Variants in ADGRD1 observed in about 807,000 individuals in gnomAD.
ADGRD1 encodes the protein G-protein coupled receptor 133.
ADGRD1 carries 77 observed loss-of-function variants against 113.4 expected under a neutral mutation model. The ratio of observed to expected loss-of-function variants is 0.68; its 90% CI spans 0.57 to 0.82. The LOEUF (loss-of-function observed/expected upper bound fraction) is 0.82. Ranked by LOEUF, ADGRD1 falls within the 40% of genes least tolerant of loss-of-function variation. The pLI is 0.00. For missense variants in ADGRD1, 1,036 were observed against 1,139.1 expected (o/e 0.91, Z 1.30); for synonymous variants, 474 against 475.0 (o/e 1.00, Z 0.03).
intron 18 of ADGRD1, among the ~76,000 whole-genome samples, chr12:131,110,121 A>T (rs1289777688): frequency 9.1e-6 from 1 of 109,788 alleles, no homozygotes; most frequent in Non-Finnish European, 2.1e-5. Context: ...TGTAAACAGA[A>T]TACAACTGGA....
At chr12:130,961,059 CCT>C (rs1410169113) in intron 2 of ADGRD1, among the ~76,000 whole-genome samples, 1 of 152,186 alleles carries the variant, frequency 6.6e-6, no homozygotes, top group Non-Finnish European at 1.5e-5. Flanking sequence ...GGCCGGCATT[CCT>C]CTGTGTGATA....
intron 12 of ADGRD1, among the ~76,000 whole-genome samples, chr12:131,010,716 T>G (rs1877761626): frequency 6.6e-6 from 1 of 152,076 alleles, no homozygotes; most frequent in Non-Finnish European, 1.5e-5. Context: ...TGGGGCACAT[T>G]GAAGGAAGGC....
Position 130,991,578 on chromosome 12 carries a change from C to T in ADGRD1, c.810+500C>T, listed in dbSNP as rs77048854. Among the ~76,000 whole-genome samples, 555 of 152,236 alleles carry T rather than the reference C, an allele frequency of 3.6e-3. 2 individuals are homozygous for T. The highest frequency in any genetic ancestry group is 5.8e-3 in the Non-Finnish European group (393 of 68,028). ...ACTTATTTTTGAGTAAGCCTCTCTG[C>T]GCTTAGTGTCATCCATCAAATGGGG... On this transcript the variant is annotated intron_variant, in intron 7 of 24. Coordinates refer to ENST00000261654, the MANE Select transcript of ADGRD1 (RefSeq NM_198827.5).
intron 12 of ADGRD1, 38 bp from the exon 13 acceptor site, chr12:131,014,161 C>T (rs757102105): frequency 9.4e-6 from 15 of 1,601,124 alleles, no homozygotes; most frequent in South Asian, 3.4e-5. Context: ...TGCTCCCCTG[C>T]GTTTCCCATT....
chr12:131,028,333 G>C (rs1395501240), intron 13 of ADGRD1, among the ~76,000 whole-genome samples: 1 of 152,102 alleles, frequency 6.6e-6, no homozygotes, highest in Non-Finnish European at 1.5e-5. Flanking sequence ...AGGAGTTTTT[G>C]TGTATTTTGA....
intron 9 of ADGRD1, chr12:131,002,833 G>C (rs1876563596): frequency 2.4e-6 from 3 of 1,241,384 alleles, no homozygotes; most frequent in Middle Eastern, 6.0e-4. Flanking sequence ...GTGAAGCACA[G>C]GGAGGTAGGG....
intron 4 of ADGRD1, among the ~76,000 whole-genome samples, chr12:130,975,391 C>T (rs1047143748): frequency 1.3e-5 from 2 of 152,182 alleles, no homozygotes; most frequent in African/African-American, 2.4e-5. Flanking sequence ...TTCTCAGTGC[C>T]TGGCACACCA....
At chr12:130,959,308 A>C (rs1457861599) in intron 2 of ADGRD1, among the ~76,000 whole-genome samples, 1 of 152,224 alleles carries the variant, frequency 6.6e-6, no homozygotes, top group African/African-American at 2.4e-5. Context: ...GCAGTGGCTC[A>C]TTCCTGGAAT....
chr12:130,998,742 G>A (rs1875944032), intron 8 of ADGRD1, among the ~76,000 whole-genome samples: 1 of 152,182 alleles, frequency 6.6e-6, no homozygotes. Flanking sequence ...TGGGATGACA[G>A]GTGTGAGCCA....
At chr12:130,962,257 C>T (rs1265078528) in intron 2 of ADGRD1, 1 of 152,266 alleles carries the variant, frequency 6.6e-6, no homozygotes, top group Non-Finnish European at 1.5e-5. Flanking sequence ...AGTGTTCTGG[C>T]CTCAACCCTG....
intron 11 of ADGRD1, 111 bp from the exon 12 acceptor site, chr12:131,005,861 G>A (rs1359176411): frequency 1.2e-6 from 1 of 820,140 alleles, no homozygotes; most frequent in Non-Finnish European, 2.1e-6. Flanking sequence ...CTCCCCAGAG[G>A]GTTCTTAGGA....
At position 131,065,633 on chromosome 12, in the gene ADGRD1, G is replaced by A. The variant is rs955910029; in HGVS notation, c.1474-11168G>A. Among the ~76,000 whole-genome samples the A allele has an allele frequency of 1.2e-4, 18 of 152,218 alleles. 1 individual carries two copies. The highest frequency in any genetic ancestry group is 7.8e-4 in the Admixed American group (12 of 15,298). On this transcript the variant is annotated intron_variant, in intron 13 of 24. Coordinates refer to ENST00000261654, the MANE Select transcript of ADGRD1 (RefSeq NM_198827.5). ...GGCTCTGGGTCCCTTTTGAGACCAG[G>A]CTGGAGTCTGTGATGGGAGGGAGGG...
chr12:131,109,762 T>C (rs1196643391), intron 18 of ADGRD1, among the ~76,000 whole-genome samples: 1 of 152,220 alleles, frequency 6.6e-6, no homozygotes, highest in African/African-American at 2.4e-5. Context: ...TTTATAGTGT[T>C]GTTCAAGTCT....
intron 13 of ADGRD1, among the ~76,000 whole-genome samples, chr12:131,076,106 C>T (rs1352868369): frequency 6.6e-6 from 1 of 152,188 alleles, no homozygotes; most frequent in Non-Finnish European, 1.5e-5. Flanking sequence ...GAACGCCAGT[C>T]TCCGGAACAA....
rs184147108 is a variant in ADGRD1, at chr12:130,972,111, A to T, written c.310+531A>T. Among the ~76,000 whole-genome samples the T allele has an allele frequency of 1.4e-3, 211 of 152,334 alleles. 1 individual carries two copies. The highest frequency in any genetic ancestry group is 5.0e-3 in the Admixed American group (76 of 15,304). ...TAAAGTCATGCCATGGACAGAGCAG[A>T]GATGCAAAAGAAAAACTGGCAATCG... On this transcript the variant is annotated intron_variant, in intron 4 of 24. Coordinates refer to ENST00000261654, the MANE Select transcript of ADGRD1 (RefSeq NM_198827.5).
At chr12:131,077,628 T>C (rs1632328) in intron 14 of ADGRD1, among the ~76,000 whole-genome samples, 142,565 of 152,034 alleles carry the variant, frequency 0.94, 67,598 homozygotes, top group East Asian at 1. Context: ...GGGTGGGGCC[T>C]CCGGATCCTC....
Position 131,113,919 on chromosome 12 carries a change from A to G in ADGRD1, c.2042-4466A>G, listed in dbSNP as rs1950403011. On this transcript the variant is annotated intron_variant, in intron 18 of 24. Coordinates refer to ENST00000261654, the MANE Select transcript of ADGRD1 (RefSeq NM_198827.5). The surrounding 1 kb of genome is among the most constrained non-coding windows in gnomAD (Gnocchi z 4.9). ...AGGATTTAGAGGCTGACTGATGGCC[A>G]ACTATCTAGAGTTTATTATAGTTTC... Among the ~76,000 whole-genome samples the G allele has an allele frequency of 6.6e-6, 1 of 152,220 alleles. No individual in the cohort carries two copies. The highest frequency in any genetic ancestry group is 1.5e-5 in the Non-Finnish European group (1 of 68,032).
chr12:130,966,701 G>C lies in ADGRD1; in HGVS notation c.187+155G>C. ...TGGGCCGGGGAATCCCAGGGCCATC[G>C]GGGAGCAGATGTGGACACAATCTGC... On this transcript the variant is annotated intron_variant, in intron 3 of 24. Transcript: ENST00000261654. The surrounding 1 kb of genome is among the most constrained non-coding windows in gnomAD (Gnocchi z 4.6). The C allele has an allele frequency of 1.6e-6, 1 of 632,218 alleles. No homozygotes were observed. The highest frequency in any genetic ancestry group is 2.9e-6 in the Non-Finnish European group (1 of 348,824). 39.2% of individuals were successfully genotyped at this position (632,218 alleles called of 1,614,324 possible).
chr12:131,119,933 G>T (rs1042514814), intron 19 of ADGRD1, among the ~76,000 whole-genome samples: 1 of 152,188 alleles, frequency 6.6e-6, no homozygotes, highest in Admixed American at 6.5e-5. Flanking sequence ...GAGGCAGTGT[G>T]CTGACAGTGA....
Sources: allele counts gnomAD v4.1 joint callset (sites outside exome capture counted in the v4.1 genomes callset), GRCh38; gene constraint gnomAD v4.1.1; non-coding constraint Gnocchi (gnomAD v3.1); transcripts MANE v1.5; gene names NCBI Gene and HGNC (gene_info 2026-07-23, HGNC 2026-07-21).